The following RERE variants were observed in gnomAD, a reference collection of about 807,000 sequenced individuals.
The protein encoded by RERE is arginine-glutamic acid dipeptide repeats protein.
A neutral mutation model predicts 146.1 loss-of-function variants in RERE; 40 were observed. The ratio of observed to expected loss-of-function variants is 0.27; its 90% CI spans 0.21 to 0.36. RERE has a LOEUF of 0.36. Ranked by LOEUF, RERE falls within the 10% of genes least tolerant of loss-of-function variation. RERE has a pLI of 1.00. For missense variants in RERE, 1,933 were observed against 2,138.7 expected (o/e 0.90, Z 1.90); for synonymous variants, 1,003 against 866.0 (o/e 1.16, Z -2.78).
chr1:8,371,837 G>A (rs1642048930), intron 12 of RERE, among the ~76,000 whole-genome samples: 1 of 152,222 alleles, frequency 6.6e-6, no homozygotes, highest in African/African-American at 2.4e-5. Flanking sequence ...GCCAGGCCCA[G>A]TTCTGCTTTA....
intron 1 of RERE, among the ~76,000 whole-genome samples, chr1:8,720,935 A>C (rs1305253950): frequency 6.6e-6 from 1 of 152,164 alleles, no homozygotes; most frequent in Non-Finnish European, 1.5e-5. Context: ...GCACACCTGC[A>C]ATCCCAGTTA....
At chr1:8,424,820 G>C (rs995703138) in intron 11 of RERE, 1 of 152,484 alleles carries the variant, frequency 6.6e-6, no homozygotes, top group Non-Finnish European at 1.5e-5. Flanking sequence ...GAAGTGACAA[G>C]GAAGAGTGTG....
chr1:8,585,757 G>A (rs1934138), intron 4 of RERE, among the ~76,000 whole-genome samples: 90,533 of 152,036 alleles, frequency 0.6, 27,494 homozygotes, highest in East Asian at 0.83. Flanking sequence ...GTAAATAAAC[G>A]GAAGCAACCA....
chr1:8,481,391 T>A (rs1048421167), intron 10 of RERE, among the ~76,000 whole-genome samples: 1 of 152,078 alleles, frequency 6.6e-6, no homozygotes, highest in East Asian at 1.9e-4. Flanking sequence ...TGGGATTACA[T>A]GCGTGACCCA....
At chr1:8,741,833 G>A (rs987294870) in intron 1 of RERE, among the ~76,000 whole-genome samples, 2 of 152,112 alleles carry the variant, frequency 1.3e-5, no homozygotes, top group Non-Finnish European at 2.9e-5. Context: ...TTGGCTTTGA[G>A]ATTATATCTG....
At chr1:8,811,070 C>A (rs1354817800) in intron 1 of RERE, among the ~76,000 whole-genome samples, 1 of 152,212 alleles carries the variant, frequency 6.6e-6, no homozygotes, top group Non-Finnish European at 1.5e-5. Context: ...TCAAAATCAA[C>A]AATAGCCGCC....
intron 2 of RERE, among the ~76,000 whole-genome samples, chr1:8,654,035 T>C (rs984305515): frequency 4.6e-5 from 7 of 151,924 alleles, no homozygotes; most frequent in Non-Finnish European, 1.0e-4. Flanking sequence ...TGACTTTTTT[T>C]TTTTTTGCGG....
intron 12 of RERE, among the ~76,000 whole-genome samples, chr1:8,396,275 G>GT (rs1347136206): frequency 3.9e-5 from 6 of 152,324 alleles, no homozygotes; most frequent in Admixed American, 6.5e-5. Flanking sequence ...TCAATGTGGA[G>GT]TTTGTTGTCC....
intron 11 of RERE, among the ~76,000 whole-genome samples, chr1:8,428,948 C>T (rs949809079): frequency 6.6e-6 from 1 of 152,146 alleles, no homozygotes; most frequent in Non-Finnish European, 1.5e-5. Flanking sequence ...TGGTCCTCAC[C>T]TCTCCACCTT....
At chr1:8,751,932 A>T (rs1039233700) in intron 1 of RERE, among the ~76,000 whole-genome samples, 2 of 143,174 alleles carry the variant, frequency 1.4e-5, no homozygotes, top group African/African-American at 5.1e-5. Context: ...ACTGTCCCCA[A>T]ATAACTGTTT....
chr1:8,755,108 G>C (rs978907765), intron 1 of RERE, among the ~76,000 whole-genome samples: 3 of 152,210 alleles, frequency 2.0e-5, no homozygotes, highest in Admixed American at 6.5e-5. Flanking sequence ...CAATTCCAAA[G>C]CTTAAATACC....
chr1:8,689,983 C>T (rs1639175214), intron 1 of RERE, among the ~76,000 whole-genome samples: 2 of 152,110 alleles, frequency 1.3e-5, no homozygotes, highest in Admixed American at 1.3e-4. Flanking sequence ...AGTCTTCTGC[C>T]AAGAGAAGTA....
At chr1:8,737,636 A>C (rs1640227994) in intron 1 of RERE, among the ~76,000 whole-genome samples, 1 of 151,286 alleles carries the variant, frequency 6.6e-6, no homozygotes, top group Non-Finnish European at 1.5e-5. Flanking sequence ...GGATTTCCCT[A>C]TGTTGCCTAG....
intron 12 of RERE, among the ~76,000 whole-genome samples, chr1:8,417,728 T>TACA (rs1213095447): frequency 6.6e-6 from 1 of 152,122 alleles, no homozygotes; most frequent in Non-Finnish European, 1.5e-5. Flanking sequence ...CACTCACCCA[T>TACA]ACACATTCTT....
chr1:8,425,402 T>C (rs568875761), intron 11 of RERE, among the ~76,000 whole-genome samples: 1 of 152,240 alleles, frequency 6.6e-6, no homozygotes, highest in South Asian at 2.1e-4. Flanking sequence ...AGCTCATCAG[T>C]GCAGCAAGGG....
At chr1:8,455,074 C>T (rs551233665) in intron 11 of RERE, among the ~76,000 whole-genome samples, 1 of 152,144 alleles carries the variant, frequency 6.6e-6, no homozygotes, top group South Asian at 2.1e-4. Flanking sequence ...GTAACTGTGC[C>T]TTCCCCAGAG....
At chr1:8,780,000 G>A (rs893905804) in intron 1 of RERE, among the ~76,000 whole-genome samples, 32 of 151,986 alleles carry the variant, frequency 2.1e-4, no homozygotes, top group Admixed American at 9.2e-4. Context: ...AGACCAGCAC[G>A]GCCAACTTGG....
At chr1:8,526,965 A>C (rs1645578074) in intron 7 of RERE, among the ~76,000 whole-genome samples, 1 of 152,248 alleles carries the variant, frequency 6.6e-6, no homozygotes, top group South Asian at 2.1e-4. Flanking sequence ...AAAATTATAA[A>C]GGACAAGATA....
At chr1:8,800,754 C>T (rs116471911) in intron 1 of RERE, among the ~76,000 whole-genome samples, 1,766 of 152,236 alleles carry the variant, frequency 0.012, 24 homozygotes, top group Non-Finnish European at 0.02. Context: ...CACTTGAGGT[C>T]AGGAGTTTGA....
Sources: allele counts gnomAD v4.1 joint callset (sites outside exome capture counted in the v4.1 genomes callset), GRCh38; gene constraint gnomAD v4.1.1; transcripts MANE v1.5; gene names NCBI Gene and HGNC (gene_info 2026-07-23, HGNC 2026-07-21).